DYNC1LI2: variants seen among roughly 807,000 people sequenced by gnomAD.
DYNC1LI2 encodes dynein cytoplasmic 1 light intermediate chain 2.
A neutral mutation model predicts 57.8 loss-of-function variants in DYNC1LI2; 19 were observed. That is an observed-to-expected ratio of 0.33 (90% CI 0.23 to 0.48). The LOEUF is 0.48. Among genes scored for constraint, DYNC1LI2 ranks in the 20% least tolerant of loss-of-function variants. DYNC1LI2 has a pLI of 0.99. For synonymous variants in DYNC1LI2, 256 were observed against 233.4 expected, an observed-to-expected ratio of 1.10 and a Z score of -0.88; for missense variants, 470 against 604.2, an observed-to-expected ratio of 0.78 and a Z score of 2.33.
chr16:66,746,656 G>GAT (rs1251364432), intron 3 of DYNC1LI2, among the ~76,000 whole-genome samples: 281 of 152,294 alleles, frequency 1.8e-3, no homozygotes, highest in African/African-American at 6.4e-3. Context: ...AAACAGAAGA[G>GAT]GCTATAGAGA....
intron 4 of DYNC1LI2, among the ~76,000 whole-genome samples, chr16:66,742,133 GA>G (rs1430119891): frequency 1.3e-5 from 2 of 152,160 alleles, no homozygotes; most frequent in Non-Finnish European, 2.9e-5. Context: ...GAGAGTAACA[GA>G]AAAGCACAGA....
At chr16:66,742,039 C>T (rs2017848420) in intron 4 of DYNC1LI2, among the ~76,000 whole-genome samples, 1 of 152,070 alleles carries the variant, frequency 6.6e-6, no homozygotes, top group Non-Finnish European at 1.5e-5. Flanking sequence ...GTCCATAGGG[C>T]CTTAATGGAA....
Position 66,723,584 on chromosome 16 carries a change from G to GTTTTTT in DYNC1LI2, c.*132_*137dup. ...TTTCACACTCGGACAAGCCAATGAA[G>GTTTTTT]TTTTTTTTTTTTTTTTAAAGTTCAT... On this transcript the variant is annotated 3_prime_UTR_variant, in exon 13 of 13. Transcript: ENST00000258198. 1.7e-6 allele frequency: 1 copy of GTTTTTT among 584,130 alleles called. No homozygotes were observed. Among genetic ancestry groups the GTTTTTT allele is most frequent in the Non-Finnish European group, 2.9e-6 (1 of 344,630 alleles). The allele number at this position is 584,130 out of a possible 1,614,324, so 36.2% of individuals were successfully genotyped here.
At chr16:66,747,693 C>A (rs2017962575) in intron 3 of DYNC1LI2, among the ~76,000 whole-genome samples, 1 of 151,654 alleles carries the variant, frequency 6.6e-6, no homozygotes, top group African/African-American at 2.4e-5. Flanking sequence ...CCTCAGCCTC[C>A]AGAGTAGCTG....
chr16:66,736,270 C>T (rs1301305697), intron 4 of DYNC1LI2, 26 bp from the exon 5 acceptor site: 1 of 1,605,824 alleles, frequency 6.2e-7, no homozygotes, highest in Admixed American at 1.7e-5. Flanking sequence ...GAAAAAAAAT[C>T]ACATGCACAT....
intron 3 of DYNC1LI2, among the ~76,000 whole-genome samples, chr16:66,744,995 C>T (rs1318061346): frequency 2.0e-5 from 3 of 152,164 alleles, no homozygotes; most frequent in African/African-American, 7.2e-5. Context: ...TCATTGCAAT[C>T]TCCTACTCTA....
intron 5 of DYNC1LI2, 85 bp from the exon 6 acceptor site, chr16:66,734,396 G>T (rs2017693652): frequency 1.5e-6 from 2 of 1,336,610 alleles, no homozygotes; most frequent in Admixed American, 4.0e-5. Flanking sequence ...ATAAAGTATT[G>T]TGGCTCCAAA....
At chr16:66,729,502 G>C (rs1439515188) in intron 8 of DYNC1LI2, among the ~76,000 whole-genome samples, 1 of 151,570 alleles carries the variant, frequency 6.6e-6, no homozygotes, top group African/African-American at 2.4e-5. Context: ...TCAACAAAAA[G>C]GCCCTGGGAC....
chr16:66,746,253 G>C (rs772865864), intron 3 of DYNC1LI2, among the ~76,000 whole-genome samples: 8 of 152,134 alleles, frequency 5.3e-5, no homozygotes, highest in African/African-American at 9.7e-5. Flanking sequence ...CCATGTGCTT[G>C]GAGATCACAC....
At chr16:66,739,266 C>T (rs914286742) in intron 4 of DYNC1LI2, 6 of 152,096 alleles carry the variant, frequency 3.9e-5, no homozygotes, top group Non-Finnish European at 5.9e-5. Flanking sequence ...GCTGGCTCCA[C>T]GAACCTCCAC....
intron 8 of DYNC1LI2, among the ~76,000 whole-genome samples, chr16:66,729,516 C>T (rs183157377): frequency 6.6e-6 from 1 of 151,564 alleles, no homozygotes; most frequent in African/African-American, 2.4e-5. Context: ...CTGGGACTTA[C>T]TACTCCCCAC....
intron 5 of DYNC1LI2, among the ~76,000 whole-genome samples, chr16:66,734,548 G>A (rs753883471): frequency 7.3e-5 from 11 of 151,198 alleles, no homozygotes; most frequent in Non-Finnish European, 1.6e-4. Context: ...CTAACAGTTT[G>A]TTCTAAACAT....
chr16:66,735,098 TTG>T (rs1491139087), intron 5 of DYNC1LI2, among the ~76,000 whole-genome samples: 10 of 108,966 alleles, frequency 9.2e-5, no homozygotes, highest in South Asian at 3.0e-4. Flanking sequence ...TGAACTTTGT[TTG>T]TTTTTTTTTT....
At chr16:66,745,804 TGAG>T (rs1262617711) in intron 3 of DYNC1LI2, among the ~76,000 whole-genome samples, 1 of 151,700 alleles carries the variant, frequency 6.6e-6, no homozygotes, top group Non-Finnish European at 1.5e-5. Context: ...CTCGGGAGAC[TGAG>T]GAGGGAGGAC....
At position 66,736,081 on chromosome 16, in the gene DYNC1LI2, G is replaced by A. The variant is rs1358090229; in HGVS notation, c.693C>T (p.Cys231=). ...ACAACCCCCTGGCACACACCTTTGT[G>A]CACACCACCAACACCGGGATCCCCA... The part of the protein sequence containing the change: ...HNLGIPVLVV[C]TKCDAVSVLE... Residue 231 remains cysteine (C), a synonymous_variant, in exon 5 of 13, where the codon TGC becomes TGT. Transcript: ENST00000258198. 6.2e-7 allele frequency: 1 copy of A among 1,613,846 alleles called. No individual in the cohort carries two copies. The highest frequency in any genetic ancestry group is 8.5e-7 in the Non-Finnish European group (1 of 1,180,002).
rs780941102 is a variant in DYNC1LI2, at chr16:66,730,098, T to C, written c.1041+14A>G. On this transcript the variant is annotated intron_variant, in intron 8 of 12. Transcript: ENST00000258198. Reference sequence around the variant, plus strand: ...GCCCGGCCCTAAACCCTTAAAGCAATTGTCTTTGACTACCTTTCTCACGGG... The same window carrying C: ...GCCCGGCCCTAAACCCTTAAAGCAACTGTCTTTGACTACCTTTCTCACGGG... The C allele has an allele frequency of 4.3e-6, 7 of 1,611,256 alleles. No homozygotes were observed. The African/African-American group carries it at 6.7e-5, about 15-fold the overall frequency.
At chr16:66,725,683 G>T in intron 12 of DYNC1LI2, 145 bp downstream of exon 12, 2 of 756,866 alleles carry the variant, frequency 2.6e-6, no homozygotes, top group Non-Finnish European at 4.3e-6. Flanking sequence ...TGAAAGCACG[G>T]CACACTGCTC....
intron 6 of DYNC1LI2, chr16:66,732,746 TAG>T (rs2017661242): frequency 1.1e-5 from 3 of 281,990 alleles, no homozygotes; most frequent in South Asian, 2.7e-4. Context: ...TAGTGGGCTG[TAG>T]AGTTTATTTT....
In DYNC1LI2 at chr16:66,727,349, G is replaced by A. The variant is rs116410006; in HGVS notation, c.1261+339C>T. Among the ~76,000 whole-genome samples the A allele has an allele frequency of 9.6e-3, 1,457 of 152,286 alleles. 26 individuals carry two copies. The highest frequency in any genetic ancestry group is 0.033 in the African/African-American group (1,390 of 41,564). On this transcript the variant is annotated intron_variant, in intron 11 of 12. Coordinates refer to ENST00000258198, the MANE Select transcript of DYNC1LI2 (RefSeq NM_006141.3). The stretch of plus-strand genomic sequence containing the variant: ...TGCAGTGTGCTATGATCGTATCACT[G>A]TGCCACAGGCTGGGTGACAGAGTGA...
Sources: allele counts gnomAD v4.1 joint callset (sites outside exome capture counted in the v4.1 genomes callset), GRCh38; gene constraint gnomAD v4.1.1; transcripts MANE v1.5; gene names NCBI Gene and HGNC (gene_info 2026-07-23, HGNC 2026-07-21).